LRRC55: variants seen among roughly 807,000 people sequenced by gnomAD.
LRRC55 encodes the protein leucine-rich repeat-containing protein 55.
In LRRC55, 11 loss-of-function variants were observed where a neutral mutation model predicts 20.5. The ratio of observed to expected loss-of-function variants is 0.54; its 90% CI spans 0.34 to 0.89. LRRC55 has a LOEUF of 0.89. Among genes scored for constraint, LRRC55 ranks in the 40% least tolerant of loss-of-function variants. The probability of loss-of-function intolerance (pLI) is 0.02; values close to 1 mark genes in which losing one functional copy is unlikely to be tolerated. For missense variants in LRRC55, 358 were observed against 390.9 expected (o/e 0.92, Z 0.71); for synonymous variants, 188 against 166.6 (o/e 1.13, Z -0.99).
rs1854510295 is a variant in LRRC55, at chr11:57,191,474, T to C, written c.*3994T>C. Reference sequence around the variant, plus strand: ...GGAAGTGAGGGCGTCACAAGGTCTTTTGTAAATCACTATTGTGTTTGTCAC... The same window carrying C: ...GGAAGTGAGGGCGTCACAAGGTCTTCTGTAAATCACTATTGTGTTTGTCAC... On this transcript the variant is annotated 3_prime_UTR_variant, in exon 2 of 2. Coordinates refer to ENST00000497933, the MANE Select transcript of LRRC55 (RefSeq NM_001005210.4). The C allele has an allele frequency of 6.6e-6, 1 of 152,044 alleles. No individual in the cohort carries two copies. The highest frequency in any genetic ancestry group is 2.1e-4 in the South Asian group (1 of 4,814). 9.4% of individuals were successfully genotyped at this position (152,044 alleles called of 1,614,324 possible). A position where few individuals can be genotyped will look rare whatever the true frequency, so the allele number is the denominator to read the frequency against.
Position 57,182,139 on chromosome 11 carries a change from C to T in LRRC55, c.117C>T (p.Pro39=), listed in dbSNP as rs769303455. The change falls in exon 1 of 2, where the codon CCC becomes CCT. Residue 39 remains proline (P), a synonymous_variant. Coordinates refer to ENST00000497933, the MANE Select transcript of LRRC55 (RefSeq NM_001005210.4). ...LMHSDAGTSC[P]VLCTCRNQVV... is the part of the protein sequence containing the mutation. ...ACTCGGATGCCGGCACCAGCTGCCC[C>T]GTCCTTTGCACATGCCGTAACCAGG... is the stretch of plus-strand genomic sequence containing the variant. 5.6e-6 allele frequency: 9 copies of T among 1,614,068 alleles called. No individual in the cohort carries two copies. Among genetic ancestry groups the T allele is most frequent in the East Asian group, 2.2e-5 (1 of 44,894 alleles).
chr11:57,184,445 G>A (rs993552249), intron 1 of LRRC55, among the ~76,000 whole-genome samples: 4 of 152,154 alleles, frequency 2.6e-5, no homozygotes, highest in Non-Finnish European at 5.9e-5. Flanking sequence ...CTCCAGAAGG[G>A]GACAGTGACT....
rs1399224718 is a variant in LRRC55 at position 57,187,452 on chromosome 11, G to A, written c.869G>A (p.Ser290Asn). ...ACTGCCAACTGCTGCCACCGCTGGA[G>A]CAAGGCCAGTGAAGAGGAAGAGATC... ...GITANCCHRW[S>N]KASEEEEI Residue 290 changes from serine to asparagine, a missense_variant, in exon 2 of 2, where the codon AGC (serine) becomes AAC (asparagine). Ser to Asn is a conservative substitution (Grantham distance 46). Transcript: ENST00000497933. The A allele has an allele frequency of 5.0e-6, 8 of 1,614,152 alleles. No individual in the cohort carries two copies. Among genetic ancestry groups the A allele is most frequent in the Non-Finnish European group, 5.9e-6 (7 of 1,180,036 alleles).
chr11:57,182,734 G>A, intron 1 of LRRC55, 51 bp downstream of exon 1: 2 of 1,408,812 alleles, frequency 1.4e-6, no homozygotes. Flanking sequence ...TGCCTCAATG[G>A]GAAGCAAAGG....
At chr11:57,186,114 A>G (rs1423107634) in intron 1 of LRRC55, among the ~76,000 whole-genome samples, 4 of 152,210 alleles carry the variant, frequency 2.6e-5, no homozygotes, top group African/African-American at 7.2e-5. Flanking sequence ...CAGATGAAGA[A>G]GTCAAGACAC....
chr11:57,189,468 C>A lies in LRRC55; in HGVS notation c.*1988C>A, dbSNP rs1854479086. On this transcript the variant is annotated 3_prime_UTR_variant, in exon 2 of 2. Transcript: ENST00000497933. ...GAAACAGAGACTACACAGGTAACAC[C>A]TGAATAGGAGACTCCTGCTTTACAA... 6.6e-6 allele frequency: 1 copy of A among 152,214 alleles called. No individual in the cohort carries two copies. Among genetic ancestry groups the A allele is most frequent in the Admixed American group, 6.5e-5 (1 of 15,286 alleles). 9.4% of individuals were successfully genotyped at this position (152,214 alleles called of 1,614,324 possible). A position where few individuals can be genotyped will look rare whatever the true frequency, so the allele number is the denominator to read the frequency against.
chr11:57,189,084 CCTCT>C lies in LRRC55; in HGVS notation c.*1605_*1608del, dbSNP rs67002287. The C allele has an allele frequency of 0.3, 45,089 of 151,956 alleles. 7,163 individuals carry two copies. The highest frequency in any genetic ancestry group is 0.38 in the Non-Finnish European group (25,766 of 67,872). 9.4% of individuals were successfully genotyped at this position (151,956 alleles called of 1,614,324 possible). ...TTTCGTCAGCAGCATCATTATCTTC[CCTCT>C]ATTTGTTCAGCACCGGATAGTTCAT... On this transcript the variant is annotated 3_prime_UTR_variant, in exon 2 of 2. Coordinates refer to ENST00000497933, the MANE Select transcript of LRRC55 (RefSeq NM_001005210.4).
At chr11:57,185,986 A>G (rs1854426821) in intron 1 of LRRC55, among the ~76,000 whole-genome samples, 2 of 151,134 alleles carry the variant, frequency 1.3e-5, no homozygotes, top group African/African-American at 4.9e-5. Context: ...TAATTGAAAT[A>G]TAATATATGT....
Position 57,182,646 on chromosome 11 carries a change from G to T in LRRC55, c.624G>T (p.Leu208=). The T allele has an allele frequency of 6.6e-7, 1 of 1,515,360 alleles. No homozygotes were observed. Among genetic ancestry groups the T allele is most frequent in the South Asian group, 1.3e-5 (1 of 74,582 alleles). The allele number at this position is 1,515,360 out of a possible 1,614,324, so 93.9% of individuals were successfully genotyped here. A position where few individuals can be genotyped will look rare whatever the true frequency, so the allele number is the denominator to read the frequency against. ...WVCGCTMEPL[L]KWLRNRIQRC... is the part of the protein sequence containing the mutation. The stretch of plus-strand genomic sequence containing the variant: ...GTGGCTGCACCATGGAACCCCTGCT[G>T]AAGTGGCTGCGAAACCGGATCCAGC... The change falls in exon 1 of 2, where the codon CTG becomes CTT. Residue 208 remains leucine, a synonymous_variant. Transcript: ENST00000497933.
chr11:57,185,333 T>A (rs1854418301), intron 1 of LRRC55, among the ~76,000 whole-genome samples: 1 of 131,178 alleles, frequency 7.6e-6, no homozygotes, highest in African/African-American at 3.0e-5. Context: ...CAGGCTGAAG[T>A]GCAGTGGTGC....
chr11:57,182,249 G>A lies in LRRC55; in HGVS notation c.227G>A (p.Arg76His), dbSNP rs199776412. The A allele has an allele frequency of 6.1e-5, 99 of 1,614,146 alleles. No homozygotes were observed. Among genetic ancestry groups the A allele is most frequent in the Non-Finnish European group, 7.5e-5 (88 of 1,180,016 alleles). ...DTRNLSLAHN[R>H]ITAVPPGYLT... Reference sequence around the variant, plus strand: ...CGAAACCTCAGCCTGGCCCACAACCGCATCACAGCAGTGCCGCCTGGCTAC... The same window carrying A: ...CGAAACCTCAGCCTGGCCCACAACCACATCACAGCAGTGCCGCCTGGCTAC... The change falls in exon 1 of 2, where the codon CGC becomes CAC. Residue 76 changes from arginine to histidine, a missense_variant. This residue lies in a region of LRRC55 where 175 missense variants were observed against 164.5 expected (regional missense o/e 1.06). Coordinates refer to ENST00000497933, the MANE Select transcript of LRRC55 (RefSeq NM_001005210.4).
At chr11:57,186,701 AG>A (rs1854435624) in intron 1 of LRRC55, among the ~76,000 whole-genome samples, 1 of 152,210 alleles carries the variant, frequency 6.6e-6, no homozygotes, top group Non-Finnish European at 1.5e-5. Context: ...GTGTGTGGCT[AG>A]AGCAGGGTAA....
rs948851 is a variant in LRRC55 at position 57,187,617 on chromosome 11, T to C, written c.*137T>C. ...GTTCAAGCAAGGTGGGGACACTCAT[T>C]TTGTATGAGCATCTGCTTTGGGCCA... is the stretch of plus-strand genomic sequence containing the variant. On this transcript the variant is annotated 3_prime_UTR_variant, in exon 2 of 2. Coordinates refer to ENST00000497933, the MANE Select transcript of LRRC55 (RefSeq NM_001005210.4). The C allele has an allele frequency of 0.19, 155,447 of 806,472 alleles. 16,144 individuals are homozygous for C. The highest frequency in any genetic ancestry group is 0.34 in the East Asian group (12,920 of 37,592). 50.0% of individuals were successfully genotyped at this position (806,472 alleles called of 1,614,324 possible).
Position 57,181,972 on chromosome 11 carries a change from GAC to G in LRRC55, c.-47_-46del, listed in dbSNP as rs548464910. On this transcript the variant is annotated 5_prime_UTR_variant, in exon 1 of 2. The change creates a premature stop within an existing upstream ORF in the 5' untranslated region. Coordinates refer to ENST00000497933, the MANE Select transcript of LRRC55 (RefSeq NM_001005210.4). The stretch of plus-strand genomic sequence containing the variant: ...TGTGTCACAGACTCTCGATTCCATG[GAC>G]ACAGTCCTCATGGGCTCCCTCCAGC... 2.3e-3 allele frequency: 3,671 copies of G among 1,614,074 alleles called. 5 individuals carry two copies. The highest frequency in any genetic ancestry group is 2.6e-3 in the Non-Finnish European group (3,097 of 1,180,000).
At position 57,189,810 on chromosome 11, in the gene LRRC55, A is replaced by C. The variant is rs921938217; in HGVS notation, c.*2330A>C. The C allele has an allele frequency of 2.0e-5, 3 of 152,168 alleles. No homozygotes were observed. Among genetic ancestry groups the C allele is most frequent in the African/African-American group, 7.2e-5 (3 of 41,434 alleles). 9.4% of individuals were successfully genotyped at this position (152,168 alleles called of 1,614,324 possible). A position where few individuals can be genotyped will look rare whatever the true frequency, so the allele number is the denominator to read the frequency against. On this transcript the variant is annotated 3_prime_UTR_variant, in exon 2 of 2. Transcript: ENST00000497933. ...CCTCCTGGAAAGCCTGAAAGGAATG[A>C]AGGAGGCTAATAAGTCATCTTCCAG...
intron 1 of LRRC55, among the ~76,000 whole-genome samples, chr11:57,183,561 C>T (rs1346757992): frequency 2.0e-5 from 3 of 152,160 alleles, no homozygotes; most frequent in African/African-American, 7.2e-5. Context: ...CCTGAAGAGT[C>T]AGGTTCTGGC....
rs1565181536 is a variant in LRRC55, at chr11:57,189,045, G to A, written c.*1565G>A. 1 of 151,966 alleles carries A rather than the reference G, an allele frequency of 6.6e-6. No individual in the cohort carries two copies. The highest frequency in any genetic ancestry group is 1.9e-4 in the East Asian group (1 of 5,176). 9.4% of individuals were successfully genotyped at this position (151,966 alleles called of 1,614,324 possible). A position where few individuals can be genotyped will look rare whatever the true frequency, so the allele number is the denominator to read the frequency against. On this transcript the variant is annotated 3_prime_UTR_variant, in exon 2 of 2. Transcript: ENST00000497933. ...GCAAAGCACAATTATCATCATCGTGGTCTTCTTCATCAGTTTCGTCAGCAG... is the reference window on the plus strand; with the variant it reads ...GCAAAGCACAATTATCATCATCGTGATCTTCTTCATCAGTTTCGTCAGCAG...
rs574973514 is a variant in LRRC55 at position 57,187,261 on chromosome 11, G to A, written c.678G>A (p.Glu226=). ...GTGTTACAGATTCTCAGCTGGCTGA[G>A]TGCCGGGGCCCTCCTGAAGTCGAGG... is the stretch of plus-strand genomic sequence containing the variant. The part of the protein sequence containing the change: ...QRCTADSQLA[E]CRGPPEVEGA... Residue 226 remains glutamate (E), a synonymous_variant, in exon 2 of 2, where the codon GAG becomes GAA. Transcript: ENST00000497933. The A allele has an allele frequency of 7.8e-4, 1,258 of 1,613,688 alleles. 17 individuals are homozygous for A. In the South Asian group the frequency reaches 0.013, roughly 17 times the overall value.
chr11:57,191,557 T>TAATG lies in LRRC55; in HGVS notation c.*4078_*4081dup, dbSNP rs1353002693. 8.3e-6 allele frequency: 1 copy of TAATG among 119,930 alleles called. No homozygotes were observed. Among genetic ancestry groups the TAATG allele is most frequent in the Non-Finnish European group, 1.6e-5 (1 of 64,238 alleles). The allele number at this position is 119,930 out of a possible 1,614,324, so 7.4% of individuals were successfully genotyped here. On this transcript the variant is annotated 3_prime_UTR_variant, in exon 2 of 2. Coordinates refer to ENST00000497933, the MANE Select transcript of LRRC55 (RefSeq NM_001005210.4). Reference sequence around the variant, plus strand: ...CTCAGTTTTTCTAAGCACTGTCCTGTAATGTGCTAATGTCTGGGGGTGGGA... The same window carrying TAATG: ...CTCAGTTTTTCTAAGCACTGTCCTGTAATGAATGTGCTAATGTCTGGGGGTGGGA...
Sources: gnomAD v4.1 joint callset for allele counts (sites outside exome capture counted in the v4.1 genomes callset) on GRCh38, gnomAD v4.1.1 for gene constraint, gnomAD v4.1.1 regional missense constraint, MANE v1.5 for transcripts, NCBI Gene and HGNC (gene_info 2026-07-23, HGNC 2026-07-21) for gene names.